MYO1E: variants seen among roughly 807,000 people sequenced by gnomAD.
The protein encoded by MYO1E is myosin IE.
A neutral mutation model predicts 151.1 loss-of-function variants in MYO1E; 68 were observed. The observed-to-expected ratio is 0.45, with a 90% confidence interval of 0.37 to 0.55. MYO1E has a LOEUF of 0.55. MYO1E is among the 20% of genes least tolerant of loss of function. The pLI is 0.00. For missense variants in MYO1E, 1,363 were observed against 1,389.3 expected, an observed-to-expected ratio of 0.98 and a Z score of 0.30; for synonymous variants, 601 against 501.7, an observed-to-expected ratio of 1.20 and a Z score of -2.64.
At chr15:59,257,870 G>C (rs1199429501) in intron 3 of MYO1E, among the ~76,000 whole-genome samples, 1 of 152,112 alleles carries the variant, frequency 6.6e-6, no homozygotes, top group Non-Finnish European at 1.5e-5. Flanking sequence ...GTTTTAAATG[G>C]ACTTCTAGTC....
intron 26 of MYO1E, among the ~76,000 whole-genome samples, chr15:59,138,923 C>T (rs1420256281): frequency 6.6e-6 from 1 of 152,126 alleles, no homozygotes; most frequent in African/African-American, 2.4e-5. Context: ...GTCACATGCT[C>T]AACAACTGGA....
intron 1 of MYO1E, among the ~76,000 whole-genome samples, chr15:59,369,326 T>C (rs997832159): frequency 3.3e-5 from 5 of 152,234 alleles, no homozygotes; most frequent in African/African-American, 9.6e-5. Flanking sequence ...TTTGAGGTGA[T>C]GGTCAATTCA....
intron 2 of MYO1E, among the ~76,000 whole-genome samples, chr15:59,271,325 T>C (rs760570501): frequency 6.6e-6 from 1 of 152,242 alleles, no homozygotes; most frequent in African/African-American, 2.4e-5. Context: ...AAATCTAAGA[T>C]GTATATTACA....
chr15:59,224,668 T>C, intron 8 of MYO1E, 21 bp downstream of exon 8: 1 of 1,614,140 alleles, frequency 6.2e-7, no homozygotes, highest in Non-Finnish European at 8.5e-7. Flanking sequence ...AGATCCTGCC[T>C]GGCCCTGCGC....
At chr15:59,321,911 G>A (rs1197619754) in intron 1 of MYO1E, among the ~76,000 whole-genome samples, 1 of 151,928 alleles carries the variant, frequency 6.6e-6, no homozygotes, top group African/African-American at 2.4e-5. Context: ...AGTGGCAGGT[G>A]CCTGTAATCC....
At chr15:59,138,084 A>G (rs1301749322) in intron 27 of MYO1E, 114 bp downstream of exon 27, 1 of 1,323,928 alleles carries the variant, frequency 7.6e-7, no homozygotes, top group Non-Finnish European at 1.1e-6. Context: ...ACCTGCCTCT[A>G]CAAATTGCAG....
intron 9 of MYO1E, among the ~76,000 whole-genome samples, chr15:59,220,943 A>G (rs1220947136): frequency 4.1e-5 from 6 of 146,810 alleles, no homozygotes; most frequent in East Asian, 1.9e-4. Flanking sequence ...AAAAAAAAAA[A>G]AAAAGATAAA....
At chr15:59,322,565 A>T (rs1166789718) in intron 1 of MYO1E, among the ~76,000 whole-genome samples, 1 of 152,236 alleles carries the variant, frequency 6.6e-6, no homozygotes, top group African/African-American at 2.4e-5. Flanking sequence ...CAAAGTGCTT[A>T]CCTAGCATGT....
chr15:59,138,111 A>G, intron 27 of MYO1E, 87 bp downstream of exon 27: 3 of 1,527,236 alleles, frequency 2.0e-6, no homozygotes, highest in Non-Finnish European at 2.7e-6. Context: ...GAGCCCATAA[A>G]TTCTTTTCAT....
chr15:59,371,387 G>A (rs1484262797), intron 1 of MYO1E, among the ~76,000 whole-genome samples: 1 of 151,746 alleles, frequency 6.6e-6, no homozygotes, highest in African/African-American at 2.4e-5. Flanking sequence ...ACCTAAGCAG[G>A]ACTACTTGAA....
chr15:59,261,882 C>G (rs572711477), intron 2 of MYO1E, among the ~76,000 whole-genome samples: 1 of 152,170 alleles, frequency 6.6e-6, no homozygotes, highest in Non-Finnish European at 1.5e-5. Flanking sequence ...TTCCTTTGAA[C>G]TTTCGTATCC....
intron 21 of MYO1E, 70 bp downstream of exon 21, chr15:59,173,676 C>A: frequency 6.3e-7 from 1 of 1,580,186 alleles, no homozygotes; most frequent in Non-Finnish European, 8.7e-7. Context: ...ACAACAAAAG[C>A]AAAATAACAA....
intron 4 of MYO1E, among the ~76,000 whole-genome samples, chr15:59,246,891 C>T (rs536189720): frequency 7.2e-5 from 11 of 152,280 alleles, no homozygotes; most frequent in African/African-American, 2.4e-4. Flanking sequence ...TAAGTCTGTG[C>T]GTCATTTATC....
At chr15:59,298,699 C>T (rs954507944) in intron 1 of MYO1E, among the ~76,000 whole-genome samples, 1 of 152,140 alleles carries the variant, frequency 6.6e-6, no homozygotes, top group South Asian at 2.1e-4. Context: ...TTCTTTCAGA[C>T]CAGATCGCTT....
At chr15:59,311,220 A>G (rs1172327817) in intron 1 of MYO1E, among the ~76,000 whole-genome samples, 7 of 152,102 alleles carry the variant, frequency 4.6e-5, no homozygotes, top group Admixed American at 4.6e-4. Flanking sequence ...TTTGTGGAAG[A>G]CAATTTTTCC....
chr15:59,173,885 C>T lies in MYO1E; in HGVS notation c.2195G>A (p.Arg732Lys). 6 of 1,614,144 alleles carry T rather than the reference C, an allele frequency of 3.7e-6. No individual in the cohort carries two copies. Among genetic ancestry groups the T allele is most frequent in the Non-Finnish European group, 5.1e-6 (6 of 1,180,030 alleles). Residue 732 changes from arginine to lysine, a missense_variant, in exon 21 of 28, where the codon AGA (arginine) becomes AAA (lysine). By Grantham distance (26) the Arg-to-Lys change is conservative. Transcript: ENST00000288235. The stretch of plus-strand genomic sequence containing the variant: ...GTTCCTGTTAATACTGTTTCTCCTT[C>T]TCTCCTTCTTGTTCAATAAGAGGTC... The part of the protein sequence containing the change: ...ASDLLLNKKE[R>K]RRNSINRNFI...
At chr15:59,209,957 C>T (rs1414616127) in intron 13 of MYO1E, among the ~76,000 whole-genome samples, 1 of 151,074 alleles carries the variant, frequency 6.6e-6, no homozygotes, top group Admixed American at 6.6e-5. Context: ...ACCTCAGCCT[C>T]CAGAGTAGCT....
At chr15:59,214,544 C>A (rs1224916796) in intron 11 of MYO1E, 96 bp downstream of exon 11, 3 of 1,219,980 alleles carry the variant, frequency 2.5e-6, no homozygotes, top group Non-Finnish European at 3.6e-6. Flanking sequence ...GGTTTGTTTT[C>A]TGTTTTTTTG....
At chr15:59,188,654 C>T (rs1168307976) in intron 17 of MYO1E, among the ~76,000 whole-genome samples, 1 of 152,104 alleles carries the variant, frequency 6.6e-6, no homozygotes, top group Non-Finnish European at 1.5e-5. Flanking sequence ...TGAGATTGCA[C>T]CACTGCACTC....
Sources: gnomAD v4.1 joint callset for allele counts (sites outside exome capture counted in the v4.1 genomes callset) on GRCh38, gnomAD v4.1.1 for gene constraint, MANE v1.5 for transcripts, NCBI Gene and HGNC (gene_info 2026-07-23, HGNC 2026-07-21) for gene names.